Variants in CSNK1G1 observed in about 807,000 individuals in gnomAD.
CSNK1G1 encodes the protein casein kinase I isoform gamma-1.
A neutral mutation model predicts 59.6 loss-of-function variants in CSNK1G1; 22 were observed. The observed-to-expected ratio is 0.37, with a 90% CI of 0.26 to 0.53. The LOEUF is 0.53. Ranked by LOEUF, CSNK1G1 falls within the 20% of genes least tolerant of loss-of-function variation. The pLI is 0.89. For synonymous variants in CSNK1G1, 179 were observed against 177.1 expected (o/e 1.01, Z -0.08); for missense variants, 384 against 519.5 (o/e 0.74, Z 2.54).
At position 64,228,567 on chromosome 15, in the gene CSNK1G1, C is replaced by T. The variant is rs1387155439; in HGVS notation, c.293-11854G>A. 1.6e-4 allele frequency among the ~76,000 whole-genome samples: 24 copies of T among 152,078 alleles called. 1 individual carries two copies. Among genetic ancestry groups the T allele is most frequent in the Admixed American group, 1.4e-3 (21 of 15,268 alleles). On this transcript the variant is annotated intron_variant, in intron 4 of 11. Coordinates refer to ENST00000303052, the MANE Select transcript of CSNK1G1 (RefSeq NM_022048.5). ...AGGGGAATCACTTGAACCCCAGAGG[C>T]GGAGGTTGCAGTGAGCCAAGATCAT...
At chr15:64,241,737 C>G (rs958812176) in intron 4 of CSNK1G1, among the ~76,000 whole-genome samples, 5 of 150,308 alleles carry the variant, frequency 3.3e-5, no homozygotes, top group African/African-American at 1.2e-4. Context: ...AGATGGTGTA[C>G]AGCAATAAAC....
At chr15:64,215,188 T>C (rs1260399881) in intron 5 of CSNK1G1, among the ~76,000 whole-genome samples, 2 of 149,006 alleles carry the variant, frequency 1.3e-5, no homozygotes, top group Non-Finnish European at 3.0e-5. Context: ...TTCTATCTAC[T>C]AAGCTTTTCT....
At chr15:64,238,517 AAATATAT>A (rs1692301165) in intron 4 of CSNK1G1, among the ~76,000 whole-genome samples, 1 of 111,450 alleles carries the variant, frequency 9.0e-6, no homozygotes, top group Admixed American at 1.0e-4. Context: ...AAAAAAAAAA[AAATATAT>A]ATATATATAT....
intron 1 of CSNK1G1, among the ~76,000 whole-genome samples, chr15:64,334,009 G>C (rs1176014909): frequency 1.3e-5 from 2 of 152,098 alleles, no homozygotes; most frequent in Admixed American, 6.6e-5. Flanking sequence ...GCACTAGATA[G>C]ATCTTAGAGA....
chr15:64,198,932 C>G (rs2082071005), intron 10 of CSNK1G1, among the ~76,000 whole-genome samples: 3 of 151,812 alleles, frequency 2.0e-5, no homozygotes, highest in African/African-American at 7.3e-5. Flanking sequence ...AATCTCTTAG[C>G]AGCCACAGGA....
Position 64,327,585 on chromosome 15 carries a change from A to G in CSNK1G1, c.-224-26862T>C, listed in dbSNP as rs1449248096. Among the ~76,000 whole-genome samples the G allele has an allele frequency of 8.2e-5, 12 of 145,828 alleles. No individual in the cohort carries two copies. The East Asian group carries it at 2.5e-3, about 30-fold the overall frequency. On this transcript the variant is annotated intron_variant, in intron 1 of 11. Transcript: ENST00000303052. Reference sequence around the variant, plus strand: ...CACAAAGATGGGGAAAAAACAGAACAGAAAAACTGGAAACTCTAAAACGCA... The same window carrying G: ...CACAAAGATGGGGAAAAAACAGAACGGAAAAACTGGAAACTCTAAAACGCA...
chr15:64,168,130 ACAAT>A lies in CSNK1G1; in HGVS notation c.*3797_*3800del, dbSNP rs1286762443. The A allele has an allele frequency of 3.3e-5, 5 of 152,756 alleles. No individual in the cohort carries two copies. The highest frequency in any genetic ancestry group is 3.4e-3 in the Middle Eastern group (1 of 294). 9.5% of individuals were successfully genotyped at this position (152,756 alleles called of 1,614,324 possible). On this transcript the variant is annotated 3_prime_UTR_variant, in exon 12 of 12. Transcript: ENST00000303052. ...CTTGGAGTTCATTTAGAAAAAAGAGACAATCAACATGTCTAGAAACCTCAGGATC... is the reference window on the plus strand; with the variant it reads ...CTTGGAGTTCATTTAGAAAAAAGAGACAACATGTCTAGAAACCTCAGGATC...
At chr15:64,312,398 A>T (rs1466786555) in intron 1 of CSNK1G1, among the ~76,000 whole-genome samples, 3 of 152,236 alleles carry the variant, frequency 2.0e-5, no homozygotes, top group African/African-American at 7.2e-5. Context: ...TACTGGGACC[A>T]AAACAGATAT....
chr15:64,347,305 A>G (rs1365051427), intron 1 of CSNK1G1, among the ~76,000 whole-genome samples: 1 of 152,214 alleles, frequency 6.6e-6, no homozygotes, highest in African/African-American at 2.4e-5. Context: ...TATTTACTCA[A>G]AAGAGCTGAA....
At chr15:64,299,799 G>C (rs967852603) in intron 2 of CSNK1G1, among the ~76,000 whole-genome samples, 11 of 152,070 alleles carry the variant, frequency 7.2e-5, no homozygotes, top group African/African-American at 2.7e-4. Context: ...GGAAACTCCA[G>C]GAAGAAACGC....
In CSNK1G1 at chr15:64,204,406, TG is replaced by T. The variant is rs757395571; in HGVS notation, c.999+34del. 3.1e-5 allele frequency: 46 copies of T among 1,475,656 alleles called. No individual in the cohort carries two copies. The African/African-American group carries it at 6.8e-4, about 22-fold the overall frequency. 91.4% of individuals were successfully genotyped at this position (1,475,656 alleles called of 1,614,324 possible). On this transcript the variant is annotated intron_variant, in intron 9 of 11. Transcript: ENST00000303052. ...AGTGCTGGTTGGAGAAAGGAGGTAA[TG>T]AGGTTAAAAAAAAAAAAAAAAAAGG...
intron 10 of CSNK1G1, among the ~76,000 whole-genome samples, chr15:64,192,206 A>G (rs1443418988): frequency 6.6e-6 from 1 of 152,232 alleles, no homozygotes; most frequent in Admixed American, 6.5e-5. Flanking sequence ...ATGTCACTCA[A>G]GAGGTGCATG....
At chr15:64,271,434 G>A (rs945861370) in intron 2 of CSNK1G1, among the ~76,000 whole-genome samples, 4 of 151,302 alleles carry the variant, frequency 2.6e-5, no homozygotes, top group African/African-American at 9.7e-5. Context: ...GACCACAGGT[G>A]CACATCACCA....
chr15:64,349,664 A>G (rs1309418626), intron 1 of CSNK1G1, among the ~76,000 whole-genome samples: 1 of 152,150 alleles, frequency 6.6e-6, no homozygotes, highest in South Asian at 2.1e-4. Context: ...CACTAGTGCT[A>G]TTTCAATTTC....
At chr15:64,315,258 C>G (rs1450469615) in intron 1 of CSNK1G1, among the ~76,000 whole-genome samples, 11 of 152,162 alleles carry the variant, frequency 7.2e-5, no homozygotes, top group Non-Finnish European at 1.5e-5. Flanking sequence ...CTAGGGAACA[C>G]AGTTTCCAGA....
chr15:64,186,885 G>A (rs1231412700), intron 10 of CSNK1G1, among the ~76,000 whole-genome samples: 3 of 151,748 alleles, frequency 2.0e-5, no homozygotes, highest in East Asian at 3.9e-4. Flanking sequence ...GTGCAATGGC[G>A]TGATCTCGGC....
chr15:64,245,222 C>G (rs1453968685), intron 4 of CSNK1G1, among the ~76,000 whole-genome samples: 1 of 152,152 alleles, frequency 6.6e-6, no homozygotes, highest in Non-Finnish European at 1.5e-5. Flanking sequence ...CTCAAAAACA[C>G]AGGCAACAGA....
At chr15:64,243,912 C>A (rs1004503278) in intron 4 of CSNK1G1, among the ~76,000 whole-genome samples, 2 of 151,550 alleles carry the variant, frequency 1.3e-5, no homozygotes, top group African/African-American at 4.8e-5. Context: ...CTCACACCTG[C>A]AATCCCAGCA....
intron 1 of CSNK1G1, among the ~76,000 whole-genome samples, chr15:64,327,689 G>C (rs1377691747): frequency 1.3e-5 from 2 of 151,946 alleles, no homozygotes; most frequent in African/African-American, 4.8e-5. Flanking sequence ...ATTTTGACGA[G>C]GTGAGAGAAG....
Sources: allele counts gnomAD v4.1 joint callset (sites outside exome capture counted in the v4.1 genomes callset), GRCh38; gene constraint gnomAD v4.1.1; transcripts MANE v1.5; gene names NCBI Gene and HGNC (gene_info 2026-07-23, HGNC 2026-07-21).